Variants in VPS13B observed in about 807,000 individuals in gnomAD.
The protein encoded by VPS13B is intermembrane lipid transfer protein VPS13B.
Under a neutral mutation model 426.4 loss-of-function variants are expected in VPS13B, and 285 were observed. The observed-to-expected ratio is 0.67, with a 90% CI of 0.61 to 0.74. The LOEUF (loss-of-function observed/expected upper bound fraction) is 0.74, where lower values mean the gene tolerates loss of function less well. Among genes scored for constraint, VPS13B ranks in the 30% least tolerant of loss-of-function variants. The pLI is 0.00. For missense variants in VPS13B, 4,537 were observed against 4,782.6 expected (o/e 0.95, Z 1.51); for synonymous variants, 1,676 against 1,676.4 (o/e 1.00, Z 0.01).
chr8:99,643,559 A>G (rs139748068), intron 34 of VPS13B, among the ~76,000 whole-genome samples: 51 of 152,270 alleles, frequency 3.3e-4, no homozygotes, highest in African/African-American at 1.2e-3. Flanking sequence ...GTAACTAGCC[A>G]GTTGCTGAGG....
intron 39 of VPS13B, among the ~76,000 whole-genome samples, chr8:99,733,455 T>G (rs760640095): frequency 5.9e-5 from 9 of 152,216 alleles, no homozygotes; most frequent in Non-Finnish European, 1.2e-4. Context: ...ATTCAGTTGT[T>G]AGGAGGAATA....
At position 99,088,305 on chromosome 8, in the gene VPS13B, A is replaced by T. The variant is rs147389867; in HGVS notation, c.292-8007A>T. ...TTAGAGATTAGTGTTGTCTTATATG[A>T]CTCATGGTCAGGCATCTGTTTTTCT... On this transcript the variant is annotated intron_variant, in intron 3 of 61. Coordinates refer to ENST00000357162, the MANE Select transcript of VPS13B (RefSeq NM_152564.5). Among the ~76,000 whole-genome samples, 927 of 151,954 alleles carry T rather than the reference A, an allele frequency of 6.1e-3. 13 individuals are homozygous for T. The highest frequency in any genetic ancestry group is 0.021 in the African/African-American group (882 of 41,430).
chr8:99,401,547 C>T (rs536039892), intron 21 of VPS13B, among the ~76,000 whole-genome samples: 6 of 152,152 alleles, frequency 3.9e-5, no homozygotes, highest in African/African-American at 1.4e-4. Flanking sequence ...GGAAGGACTC[C>T]AATGATAGTC....
At chr8:99,323,030 C>G (rs1027777764) in intron 19 of VPS13B, among the ~76,000 whole-genome samples, 1 of 152,148 alleles carries the variant, frequency 6.6e-6, no homozygotes, top group African/African-American at 2.4e-5. Context: ...ACAAGAGAGC[C>G]AAATACTAGG....
At chr8:99,653,205 A>T (rs1254173968) in intron 34 of VPS13B, among the ~76,000 whole-genome samples, 4 of 152,226 alleles carry the variant, frequency 2.6e-5, no homozygotes, top group Non-Finnish European at 5.9e-5. Context: ...AATATGAAAC[A>T]TTATTCAAAC....
intron 34 of VPS13B, among the ~76,000 whole-genome samples, chr8:99,648,627 A>G (rs1308114364): frequency 6.6e-6 from 1 of 152,216 alleles, no homozygotes; most frequent in African/African-American, 2.4e-5. Context: ...ACTTAAAGGA[A>G]GATGGGAGAG....
intron 19 of VPS13B, among the ~76,000 whole-genome samples, chr8:99,326,452 C>CTTTTTTTTTTGTTT (rs1810271194): frequency 3.1e-5 from 1 of 32,518 alleles, no homozygotes; most frequent in African/African-American, 1.3e-4. Context: ...CTCTAGGTAG[C>CTTTTTTTTTTGTTT]TTTTTTTTTT....
chr8:99,634,554 T>C (rs1231772983), intron 33 of VPS13B, among the ~76,000 whole-genome samples: 3 of 152,032 alleles, frequency 2.0e-5, no homozygotes, highest in South Asian at 2.1e-4. Flanking sequence ...TTTGCATAAT[T>C]ACTGCAGTAT....
intron 19 of VPS13B, among the ~76,000 whole-genome samples, chr8:99,316,601 C>T (rs775263681): frequency 6.6e-6 from 1 of 152,086 alleles, no homozygotes; most frequent in Non-Finnish European, 1.5e-5. Context: ...TCTCACTGAC[C>T]CTTTCTCCTC....
intron 3 of VPS13B, among the ~76,000 whole-genome samples, chr8:99,081,850 C>G (rs1381629286): frequency 6.6e-6 from 1 of 151,956 alleles, no homozygotes; most frequent in East Asian, 1.9e-4. Flanking sequence ...TTTTCTTAAT[C>G]CAGTCTATAA....
At chr8:99,692,761 T>C (rs1232394712) in intron 35 of VPS13B, among the ~76,000 whole-genome samples, 1 of 146,936 alleles carries the variant, frequency 6.8e-6, no homozygotes, top group African/African-American at 2.6e-5. Context: ...CAGGAGCTGG[T>C]TTTTTGAAAG....
intron 3 of VPS13B, among the ~76,000 whole-genome samples, chr8:99,063,167 G>T (rs1046177522): frequency 6.6e-6 from 1 of 152,212 alleles, no homozygotes. Flanking sequence ...CAGAAGACGG[G>T]TGATTTCTGC....
chr8:99,031,313 T>G (rs1265097580), intron 2 of VPS13B, among the ~76,000 whole-genome samples: 1 of 152,230 alleles, frequency 6.6e-6, no homozygotes, highest in African/African-American at 2.4e-5. Context: ...CTGATTTTGT[T>G]GAATTAACTA....
At chr8:99,099,253 A>G (rs1846600216) in intron 4 of VPS13B, among the ~76,000 whole-genome samples, 2 of 152,226 alleles carry the variant, frequency 1.3e-5, no homozygotes, top group Admixed American at 6.5e-5. Flanking sequence ...AGCATTTCAT[A>G]AAAGACAAGA....
At chr8:99,451,822 A>G (rs1389150805) in intron 23 of VPS13B, among the ~76,000 whole-genome samples, 1 of 152,186 alleles carries the variant, frequency 6.6e-6, no homozygotes, top group African/African-American at 2.4e-5. Flanking sequence ...AAGATGTCCT[A>G]CCATAGGGAA....
intron 19 of VPS13B, among the ~76,000 whole-genome samples, chr8:99,329,381 A>C (rs1810440922): frequency 6.6e-6 from 1 of 152,128 alleles, no homozygotes; most frequent in Non-Finnish European, 1.5e-5. Flanking sequence ...TTGAAAAGAT[A>C]CATTTTTAAG....
intron 40 of VPS13B, among the ~76,000 whole-genome samples, chr8:99,767,336 A>G (rs1216960863): frequency 6.6e-6 from 1 of 152,006 alleles, no homozygotes; most frequent in Admixed American, 6.6e-5. Context: ...ATCATAATCA[A>G]TATGTGTAAT....
chr8:99,602,733 C>T (rs1037657097), intron 33 of VPS13B, among the ~76,000 whole-genome samples: 1 of 149,696 alleles, frequency 6.7e-6, no homozygotes, highest in African/African-American at 2.5e-5. Flanking sequence ...TTCCTATACA[C>T]CAATAATAGA....
chr8:99,626,325 G>C (rs574528522), intron 33 of VPS13B, among the ~76,000 whole-genome samples: 1 of 152,276 alleles, frequency 6.6e-6, no homozygotes, highest in East Asian at 1.9e-4. Flanking sequence ...CAAAGGGAAA[G>C]AAGCTAGTCA....
Sources: allele counts gnomAD v4.1 joint callset (sites outside exome capture counted in the v4.1 genomes callset), GRCh38; gene constraint gnomAD v4.1.1; transcripts MANE v1.5; gene names NCBI Gene and HGNC (gene_info 2026-07-23, HGNC 2026-07-21).